HSPG2: variants seen among roughly 807,000 people sequenced by gnomAD.
HSPG2 encodes the protein basement membrane-specific heparan sulfate proteoglycan core protein.
HSPG2 carries 278 observed loss-of-function variants against 526.6 expected under a neutral mutation model. The observed-to-expected ratio is 0.53, with a 90% CI of 0.48 to 0.58. The LOEUF (loss-of-function observed/expected upper bound fraction) is 0.58, where lower values mean the gene tolerates loss of function less well. Ranked by LOEUF, HSPG2 falls within the 20% of genes least tolerant of loss-of-function variation. HSPG2 has a pLI of 0.00. For synonymous variants in HSPG2, 2,465 were observed against 2,555.4 expected (o/e 0.96, Z 1.07); for missense variants, 5,354 against 6,099.5 (o/e 0.88, Z 4.07).
chr1:21,907,982 G>T, intron 1 of HSPG2: 1 of 604,530 alleles, frequency 1.7e-6, no homozygotes, highest in Non-Finnish European at 3.1e-6. Context: ...TCATACGGCT[G>T]TTGTGAGGGT....
At position 21,829,536 on chromosome 1, in the gene HSPG2, T is replaced by C. The variant is rs2097992668; in HGVS notation, c.11839A>G (p.Thr3947Ala). ...SYLALPALTN[T>A]HHELRLDVEF... The stretch of plus-strand genomic sequence containing the variant: ...ACGTCCAGGCGTAGCTCGTGGTGTG[T>C]GTTGGTGAGGGCGGGCAGTGCCAGG... The change falls in exon 87 of 97, where the codon ACA (threonine) becomes GCA (alanine). Residue 3947 changes from threonine to alanine, a missense_variant. Thr to Ala is a moderately conservative substitution (Grantham distance 58, BLOSUM62 0). Coordinates refer to ENST00000374695, the MANE Select transcript of HSPG2 (RefSeq NM_005529.7). 2.5e-6 allele frequency: 4 copies of C among 1,612,812 alleles called. No homozygotes were observed. Among genetic ancestry groups the C allele is most frequent in the Non-Finnish European group, 3.4e-6 (4 of 1,179,778 alleles).
intron 1 of HSPG2, chr1:21,908,143 T>A: frequency 1.2e-6 from 1 of 831,778 alleles, no homozygotes; most frequent in Non-Finnish European, 2.1e-6. Flanking sequence ...ATAGATGTTC[T>A]CCAGGCCTTT....
chr1:21,851,214 T>C (rs1191847650), intron 55 of HSPG2: 1 of 366,728 alleles, frequency 2.7e-6, no homozygotes, highest in Non-Finnish European at 5.1e-6. Context: ...CTCAGGCGAT[T>C]CGCCCACCTC....
chr1:21,864,335 C>A lies in HSPG2; in HGVS notation c.4627-122G>T, dbSNP rs886509119. ...ACCCTGGAACATCACAGGCCGGCGC[C>A]CCTCCTTCCCCACTTCTGCTCAGTC... On this transcript the variant is annotated intron_variant, in intron 36 of 96. Coordinates refer to ENST00000374695, the MANE Select transcript of HSPG2 (RefSeq NM_005529.7). This position sits in a 1 kb window ranked among gnomAD's most constrained non-coding sequence, Gnocchi z 4.8. 1.1e-5 allele frequency: 9 copies of A among 785,258 alleles called. No homozygotes were observed. The highest frequency in any genetic ancestry group is 1.8e-5 in the Non-Finnish European group (8 of 452,056). 48.6% of individuals were successfully genotyped at this position (785,258 alleles called of 1,614,324 possible). A position where few individuals can be genotyped will look rare whatever the true frequency, so the allele number is the denominator to read the frequency against.
At chr1:21,902,733 A>AGC (rs1342474363) in intron 1 of HSPG2, among the ~76,000 whole-genome samples, 1 of 152,284 alleles carries the variant, frequency 6.6e-6, no homozygotes, top group African/African-American at 2.4e-5. Context: ...GCTTCTCGGG[A>AGC]GCGCTGGGGC....
In HSPG2 at chr1:21,846,207, C is replaced by A; in HGVS notation, c.8365G>T (p.Gly2789Cys). The change falls in exon 64 of 97, where the codon GGT becomes TGT. Residue 2789 changes from glycine (G) to cysteine (C), a missense_variant. Transcript: ENST00000374695. Reference protein sequence around the residue: ...RLHHVSPADSGEYVCRVMGSS... With the variant: ...RLHHVSPADSCEYVCRVMGSS... ...CCCATCACCCGGCACACGTATTCACCCGAGTCGGCCGGGGACACATGGTGC... is the reference window on the plus strand; with the variant it reads ...CCCATCACCCGGCACACGTATTCACACGAGTCGGCCGGGGACACATGGTGC... 6.2e-7 allele frequency: 1 copy of A among 1,613,098 alleles called. No individual in the cohort carries two copies. Among genetic ancestry groups the A allele is most frequent in the East Asian group, 2.2e-5 (1 of 44,882 alleles).
chr1:21,871,187 A>G (rs1195848194), intron 33 of HSPG2, among the ~76,000 whole-genome samples: 2 of 150,692 alleles, frequency 1.3e-5, no homozygotes, highest in Non-Finnish European at 2.9e-5. Flanking sequence ...CACCACCATC[A>G]TCACCACCTT....
intron 1 of HSPG2, among the ~76,000 whole-genome samples, chr1:21,896,688 A>C (rs1048261885): frequency 2.0e-5 from 3 of 152,110 alleles, no homozygotes; most frequent in African/African-American, 4.8e-5. Flanking sequence ...CGGGCAGCGC[A>C]GATGGGGGGC....
chr1:21,936,773 C>A (rs1290754040), intron 1 of HSPG2, among the ~76,000 whole-genome samples: 1 of 152,210 alleles, frequency 6.6e-6, no homozygotes, highest in African/African-American at 2.4e-5. Flanking sequence ...TTCTGCCAAG[C>A]TGGCGCAGAA....
Position 21,860,223 on chromosome 1 carries a change from A to G in HSPG2, c.4968T>C (p.Gly1656=), listed in dbSNP as rs1463666071. The change falls in exon 40 of 97, where the codon GGT becomes GGC. Residue 1656 remains glycine, a synonymous_variant. Transcript: ENST00000374695. The part of the protein sequence containing the change: ...TGQYCEQCGP[G]YVGNPSVQGG... ...CTTGCACACTGGGGTTACCCACGTA[A>G]CCTGGGCCACACCTGTAAGGGGGAA... is the stretch of plus-strand genomic sequence containing the variant. 2 of 1,613,566 alleles carry G rather than the reference A, an allele frequency of 1.2e-6. No homozygotes were observed. The highest frequency in any genetic ancestry group is 1.7e-6 in the Non-Finnish European group (2 of 1,179,910).
chr1:21,866,158 G>A (rs1387332626), intron 33 of HSPG2, among the ~76,000 whole-genome samples: 2 of 152,214 alleles, frequency 1.3e-5, no homozygotes, highest in Non-Finnish European at 2.9e-5. Context: ...TGACCACCAT[G>A]GGGAGGCTGC....
Position 21,847,719 on chromosome 1 carries a change from C to T in HSPG2, c.7995G>A (p.Lys2665=). 1 of 1,611,770 alleles carries T rather than the reference C, an allele frequency of 6.2e-7. No individual in the cohort carries two copies. The highest frequency in any genetic ancestry group is 8.5e-7 in the Non-Finnish European group (1 of 1,179,170). Residue 2665 remains lysine, a synonymous_variant, in exon 61 of 97, where the codon AAG becomes AAA. Transcript: ENST00000374695. This position sits in a 1 kb window ranked among gnomAD's most constrained non-coding sequence, Gnocchi z 4.1. ...RQPQAIITWY[K]RGGSLPSRHQ... ...GTCGGGAGGGAAGGCTGCCCCCACG[C>T]TTGTACCATGTGATGATAGCCTGGG...
chr1:21,873,525 G>A, intron 29 of HSPG2, 101 bp from the exon 30 acceptor site: 1 of 1,161,704 alleles, frequency 8.6e-7, no homozygotes, highest in Non-Finnish European at 1.3e-6. Flanking sequence ...CTCATGCACT[G>A]GAAGAAAAGA....
At chr1:21,901,447 G>A (rs1643097729) in intron 1 of HSPG2, among the ~76,000 whole-genome samples, 1 of 152,084 alleles carries the variant, frequency 6.6e-6, no homozygotes, top group African/African-American at 2.4e-5. Context: ...CTGGGATGAA[G>A]GGAGGAGCCT....
chr1:21,936,589 T>C (rs1261805218), intron 1 of HSPG2, among the ~76,000 whole-genome samples: 4 of 152,284 alleles, frequency 2.6e-5, no homozygotes, highest in African/African-American at 9.6e-5. Flanking sequence ...AAGGCAGGGA[T>C]TGATTCAACT....
chr1:21,884,517 C>T lies in HSPG2; in HGVS notation c.1654+11G>A, dbSNP rs746157072. On this transcript the variant is annotated intron_variant, in intron 13 of 96. Transcript: ENST00000374695. ...CCACCTCCCGCAGCGCTCACCCGCC[C>T]GCCAACGCACCCTTGAAGTCATCGG... 129 of 1,610,904 alleles carry T rather than the reference C, an allele frequency of 8.0e-5. No homozygotes were observed. The highest frequency in any genetic ancestry group is 1.3e-4 in the South Asian group (12 of 90,996).
Position 21,823,419 on chromosome 1 carries a change from T to C in HSPG2, c.13073A>G (p.Asn4358Ser). ...GGGTCGGGCCGAGTGCAGCACCAGGTTCTTGACACAGCCTGTGATGCCTGA... is the reference window on the plus strand; with the variant it reads ...GGGTCGGGCCGAGTGCAGCACCAGGCTCTTGACACAGCCTGTGATGCCTGA... ...FSSGITGCVK[N>S]LVLHSARPGA... The change falls in exon 97 of 97, where the codon AAC becomes AGC. Residue 4358 changes from asparagine to serine, a missense_variant. By Grantham distance (46) the Asn-to-Ser change is conservative. Coordinates refer to ENST00000374695, the MANE Select transcript of HSPG2 (RefSeq NM_005529.7). 1 of 1,585,518 alleles carries C rather than the reference T, an allele frequency of 6.3e-7. No individual in the cohort carries two copies. Among genetic ancestry groups the C allele is most frequent in the Non-Finnish European group, 8.5e-7 (1 of 1,170,682 alleles).
intron 9 of HSPG2, 57 bp from the exon 10 acceptor site, chr1:21,885,508 TC>T: frequency 6.2e-7 from 1 of 1,602,054 alleles, no homozygotes. Context: ...TCCCTGGGCA[TC>T]CCCAGGGCCA....
Position 21,880,476 on chromosome 1 carries a change from G to T in HSPG2, c.2082C>A (p.Ile694=). 6.2e-7 allele frequency: 1 copy of T among 1,613,860 alleles called. No homozygotes were observed. The highest frequency in any genetic ancestry group is 8.5e-7 in the Non-Finnish European group (1 of 1,179,968). Residue 694 remains isoleucine (I), a synonymous_variant, in exon 16 of 97, where the codon ATC becomes ATA. Coordinates refer to ENST00000374695, the MANE Select transcript of HSPG2 (RefSeq NM_005529.7). ...QVLQSLEAVL[I]QTVYNTKMAS... The stretch of plus-strand genomic sequence containing the variant: ...CCATCTTGGTGTTGTACACGGTCTG[G>T]ATGAGCACGGCCTCCAGGCTCTGCA...
Sources: gnomAD v4.1 joint callset for allele counts (sites outside exome capture counted in the v4.1 genomes callset) on GRCh38, gnomAD v4.1.1 for gene constraint, Gnocchi (gnomAD v3.1) non-coding constraint, MANE v1.5 for transcripts, NCBI Gene and HGNC (gene_info 2026-07-23, HGNC 2026-07-21) for gene names.